The following PTDSS2 variants were observed in gnomAD, a reference collection of about 807,000 sequenced individuals.
The protein encoded by PTDSS2 is PSS-2.
PTDSS2 carries 41 observed loss-of-function variants against 64.7 expected under a neutral mutation model. The observed-to-expected ratio is 0.63, with a 90% CI of 0.49 to 0.82. PTDSS2 has a LOEUF of 0.82. Ranked by LOEUF, PTDSS2 falls within the 40% of genes least tolerant of loss-of-function variation. The pLI, the probability that PTDSS2 is intolerant of heterozygous loss-of-function variation, is 0.00. For missense variants in PTDSS2, 485 were observed against 650.0 expected (o/e 0.75, Z 2.76); for synonymous variants, 297 against 277.8 (o/e 1.07, Z -0.69).
At chr11:466,731 T>C (rs1847160134) in intron 2 of PTDSS2, among the ~76,000 whole-genome samples, 1 of 151,978 alleles carries the variant, frequency 6.6e-6, no homozygotes. Context: ...TCTAAAACCA[T>C]CAGCTCTCGT....
At chr11:450,779 C>T (rs1846281393) in intron 1 of PTDSS2, 142 bp downstream of exon 1, 1 of 760,764 alleles carries the variant, frequency 1.3e-6, no homozygotes, top group Non-Finnish European at 1.8e-6. Flanking sequence ...GGTGTGGCAG[C>T]ACCGCCCCCC....
At position 489,935 on chromosome 11, in the gene PTDSS2, G is replaced by A; in HGVS notation, c.1168G>A (p.Ala390Thr). 6.2e-7 allele frequency: 1 copy of A among 1,607,430 alleles called. No individual in the cohort carries two copies. Among genetic ancestry groups the A allele is most frequent in the Non-Finnish European group, 8.5e-7 (1 of 1,178,648 alleles). ...PQAWLVAAITATELLIVVKYD... is the reference protein window; with the variant it reads ...PQAWLVAAITTTELLIVVKYD... ...GGCCTGGCTGGTGGCGGCCATCACG[G>A]CCACGGAGCTGCTCATCGTGGTGAA... Residue 390 changes from alanine to threonine, a missense_variant, in exon 11 of 12, where the codon GCC becomes ACC. Ala to Thr is a moderately conservative substitution (Grantham distance 58, BLOSUM62 0). Around this residue, in one of 3 missense-constraint regions of PTDSS2, gnomAD observed 219 missense variants for 257.3 expected, o/e 0.85. Transcript: ENST00000308020.
intron 2 of PTDSS2, among the ~76,000 whole-genome samples, chr11:466,190 A>G (rs1450463540): frequency 2.0e-5 from 3 of 152,098 alleles, no homozygotes; most frequent in Non-Finnish European, 2.9e-5. Context: ...CCTGTGTAAC[A>G]TGGTCTATTA....
At position 479,018 on chromosome 11, in the gene PTDSS2, C is replaced by A; in HGVS notation, c.368-67C>A. On this transcript the variant is annotated intron_variant, in intron 3 of 11. Transcript: ENST00000308020. This position sits in a 1 kb window ranked among gnomAD's most constrained non-coding sequence, Gnocchi z 4.2. ...GGGTGTGAAGGAGCCAGGAGCCGGCCTGGGGCTGAGCGGGGCCGTGGAGGC... is the reference window on the plus strand; with the variant it reads ...GGGTGTGAAGGAGCCAGGAGCCGGCATGGGGCTGAGCGGGGCCGTGGAGGC... 1.4e-6 allele frequency: 2 copies of A among 1,379,712 alleles called. No individual in the cohort carries two copies. Among genetic ancestry groups the A allele is most frequent in the East Asian group, 4.6e-5 (2 of 43,762 alleles). The allele number at this position is 1,379,712 out of a possible 1,614,324, so 85.5% of individuals were successfully genotyped here.
In PTDSS2 at chr11:479,334, T is replaced by TG. The variant is rs1169737545; in HGVS notation, c.435+188dup. The TG allele has an allele frequency of 3.1e-6, 2 of 653,668 alleles. No homozygotes were observed. The highest frequency in any genetic ancestry group is 5.0e-5 in the Admixed American group (2 of 39,612). The allele number at this position is 653,668 out of a possible 1,614,324, so 40.5% of individuals were successfully genotyped here. The stretch of plus-strand genomic sequence containing the variant: ...GAGCATCTGTGCGGCCCTTGAGTGA[T>TG]GGGGGGCAGCAAAGCTAGACCTTCA... On this transcript the variant is annotated intron_variant, in intron 4 of 11. Coordinates refer to ENST00000308020, the MANE Select transcript of PTDSS2 (RefSeq NM_030783.3). The surrounding 1 kb of genome is among the most constrained non-coding windows in gnomAD (Gnocchi z 4.2).
chr11:469,569 C>T (rs1008662533), intron 2 of PTDSS2, among the ~76,000 whole-genome samples: 6 of 152,000 alleles, frequency 3.9e-5, no homozygotes, highest in Non-Finnish European at 5.9e-5. Context: ...TTGGAGTGGC[C>T]GCTGTGATGG....
chr11:457,689 C>T (rs1043005895), intron 1 of PTDSS2, among the ~76,000 whole-genome samples: 1 of 152,246 alleles, frequency 6.6e-6, no homozygotes, highest in African/African-American at 2.4e-5. Context: ...ATACCTGAAA[C>T]ATCTGCATGT....
At chr11:475,140 GTGTGATAC>G (rs1564979650) in intron 3 of PTDSS2, among the ~76,000 whole-genome samples, 2 of 71,708 alleles carry the variant, frequency 2.8e-5, no homozygotes, top group Admixed American at 1.5e-4. Context: ...TCACGCGTTT[GTGTGATAC>G]GGACATATTC....
In PTDSS2 at chr11:460,891, T is replaced by C. The variant is rs373788902; in HGVS notation, c.284+603T>C. 6.6e-6 allele frequency: 1 copy of C among 152,454 alleles called. No individual in the cohort carries two copies. The highest frequency in any genetic ancestry group is 1.5e-5 in the Non-Finnish European group (1 of 68,324). The allele number at this position is 152,454 out of a possible 1,614,324, so 9.4% of individuals were successfully genotyped here. A position where few individuals can be genotyped will look rare whatever the true frequency, so the allele number is the denominator to read the frequency against. ...TTAGAGCCTGTGAATCAGTCTTGAG[T>C]TTTCTGTGCCTGACTCTCCTCTCGC... On this transcript the variant is annotated intron_variant, in intron 2 of 11. Coordinates refer to ENST00000308020, the MANE Select transcript of PTDSS2 (RefSeq NM_030783.3). This position sits in a 1 kb window ranked among gnomAD's most constrained non-coding sequence, Gnocchi z 5.8.
chr11:461,035 C>G lies in PTDSS2; in HGVS notation c.284+747C>G, dbSNP rs929662976. The G allele has an allele frequency of 6.6e-6, 1 of 152,246 alleles. No homozygotes were observed. Among genetic ancestry groups the G allele is most frequent in the African/African-American group, 2.4e-5 (1 of 41,426 alleles). 9.4% of individuals were successfully genotyped at this position (152,246 alleles called of 1,614,324 possible). A position where few individuals can be genotyped will look rare whatever the true frequency, so the allele number is the denominator to read the frequency against. ...CTCCGGCGGGATGGTGGGAGGAAGC[C>G]GGAGCAGGGTCTGAGACCAGCAGCA... On this transcript the variant is annotated intron_variant, in intron 2 of 11. Transcript: ENST00000308020. This position sits in a 1 kb window ranked among gnomAD's most constrained non-coding sequence, Gnocchi z 4.2.
chr11:490,781 TGTGTATGCGTGTGTGTACGC>T lies in PTDSS2; in HGVS notation c.*204_*223del. On this transcript the variant is annotated 3_prime_UTR_variant, in exon 12 of 12. Transcript: ENST00000308020. ...ATCTCCATGTGTACACGTGTGTACG[TGTGTATGCGTGTGTGTACGC>T]GTGTGTACGCGCGTGTGTACACATG... is the stretch of plus-strand genomic sequence containing the variant. The T allele has an allele frequency of 6.8e-6, 4 of 588,250 alleles. No homozygotes were observed. The highest frequency in any genetic ancestry group is 1.2e-5 in the Non-Finnish European group (4 of 334,148). The allele number at this position is 588,250 out of a possible 1,614,324, so 36.4% of individuals were successfully genotyped here. A position where few individuals can be genotyped will look rare whatever the true frequency, so the allele number is the denominator to read the frequency against.
chr11:467,861 G>A lies in PTDSS2; in HGVS notation c.285-6034G>A, dbSNP rs117171634. On this transcript the variant is annotated intron_variant, in intron 2 of 11. Transcript: ENST00000308020. ...ACATAAAAACCTGCATGCAGGCCAGGCATGGTGGCTCACGCTTATAATCCC... is the reference window on the plus strand; with the variant it reads ...ACATAAAAACCTGCATGCAGGCCAGACATGGTGGCTCACGCTTATAATCCC... Among the ~76,000 whole-genome samples the A allele has an allele frequency of 6.8e-3, 1,031 of 152,014 alleles. 13 individuals are homozygous for A. Among genetic ancestry groups the A allele is most frequent in the Non-Finnish European group, 5.5e-3 (375 of 67,966 alleles).
At chr11:465,758 C>T (rs567574530) in intron 2 of PTDSS2, among the ~76,000 whole-genome samples, 9 of 150,738 alleles carry the variant, frequency 6.0e-5, no homozygotes, top group Admixed American at 5.3e-4. Context: ...GGACCACCCC[C>T]CCCCCATCTC....
At chr11:477,286 G>A (rs1022131404) in intron 3 of PTDSS2, among the ~76,000 whole-genome samples, 9 of 152,346 alleles carry the variant, frequency 5.9e-5, no homozygotes, top group Admixed American at 5.9e-4. Context: ...TGTGTGAACG[G>A]CATTTTCTTC....
At chr11:453,210 A>AGG (rs1371480880) in intron 1 of PTDSS2, among the ~76,000 whole-genome samples, 9 of 152,188 alleles carry the variant, frequency 5.9e-5, no homozygotes, top group African/African-American at 2.2e-4. Flanking sequence ...CATTCAGGGT[A>AGG]GCAAGGACAA....
At chr11:482,181 A>C (rs1329327416) in intron 4 of PTDSS2, among the ~76,000 whole-genome samples, 3 of 149,848 alleles carry the variant, frequency 2.0e-5, no homozygotes, top group African/African-American at 7.4e-5. Flanking sequence ...TGCCCTGCCC[A>C]GAACCTCCAG....
Position 479,393 on chromosome 11 carries a change from G to A in PTDSS2, c.435+241G>A, listed in dbSNP as rs1041451662. The stretch of plus-strand genomic sequence containing the variant: ...GCCGAGCTGCGGGGGGCCTCCAGGA[G>A]CATCTGCTGGTGGGGCGCTGACTGT... On this transcript the variant is annotated intron_variant, in intron 4 of 11. Transcript: ENST00000308020. This position sits in a 1 kb window ranked among gnomAD's most constrained non-coding sequence, Gnocchi z 4.2. The A allele has an allele frequency of 3.4e-6, 2 of 590,230 alleles. No individual in the cohort carries two copies. The highest frequency in any genetic ancestry group is 3.7e-5 in the African/African-American group (2 of 53,582). The allele number at this position is 590,230 out of a possible 1,614,324, so 36.6% of individuals were successfully genotyped here.
chr11:477,740 G>A (rs1019337757), intron 3 of PTDSS2, among the ~76,000 whole-genome samples: 13 of 152,232 alleles, frequency 8.5e-5, no homozygotes, highest in African/African-American at 1.2e-4. Flanking sequence ...CACCTGCTCC[G>A]AAGGCGTCCC....
chr11:488,447 G>A, intron 7 of PTDSS2, 82 bp from the exon 8 acceptor site: 1 of 1,382,728 alleles, frequency 7.2e-7, no homozygotes, highest in Non-Finnish European at 1.0e-6. Flanking sequence ...GGCATTCTCG[G>A]TTCCCCTGTG....
Sources: gnomAD v4.1 joint callset for allele counts (sites outside exome capture counted in the v4.1 genomes callset) on GRCh38, gnomAD v4.1.1 for gene constraint, gnomAD v4.1.1 regional missense constraint, Gnocchi (gnomAD v3.1) non-coding constraint, MANE v1.5 for transcripts, NCBI Gene and HGNC (gene_info 2026-07-23, HGNC 2026-07-21) for gene names.